The following DCUN1D5 variants were observed in gnomAD, a reference collection of about 807,000 sequenced individuals.
DCUN1D5 encodes DCN1-like protein 5.
DCUN1D5 carries 10 observed loss-of-function variants against 38.3 expected under a neutral mutation model. The ratio of observed to expected loss-of-function variants is 0.26; its 90% CI spans 0.16 to 0.44. The LOEUF is 0.44. DCUN1D5 is among the 20% of genes least tolerant of loss of function. The pLI is 1.00. For synonymous variants in DCUN1D5, 93 were observed against 90.9 expected (o/e 1.02, Z -0.13); for missense variants, 148 against 275.3 (o/e 0.54, Z 3.27).
rs1326398605 is a variant in DCUN1D5 at position 103,051,316 on chromosome 11, T to C, written c.*11043A>G. On this transcript the variant is annotated 3_prime_UTR_variant, in exon 8 of 8. Coordinates refer to ENST00000260247, the MANE Select transcript of DCUN1D5 (RefSeq NM_032299.4). Reference sequence around the variant, plus strand: ...AACCATCCATCCTTCAGGAAACTTTTTTAAAAAAAGATTTTCTGCATGGTT... The same window carrying C: ...AACCATCCATCCTTCAGGAAACTTTCTTAAAAAAAGATTTTCTGCATGGTT... 2.0e-5 allele frequency: 3 copies of C among 152,204 alleles called. No individual in the cohort carries two copies. The highest frequency in any genetic ancestry group is 4.8e-5 in the African/African-American group (2 of 41,576). The allele number at this position is 152,204 out of a possible 1,614,324, so 9.4% of individuals were successfully genotyped here. A position where few individuals can be genotyped will look rare whatever the true frequency, so the allele number is the denominator to read the frequency against.
rs149803369 is a variant in DCUN1D5 at position 103,089,284 on chromosome 11, T to A, written c.121A>T (p.Ser41Cys). The A allele has an allele frequency of 4.7e-4, 753 of 1,612,132 alleles. 3 individuals carry two copies. The highest frequency in any genetic ancestry group is 4.6e-3 in the South Asian group (419 of 90,910). The change falls in exon 2 of 8, where the codon AGT (serine) becomes TGT (cysteine). Residue 41 changes from serine (S) to cysteine (C), a missense_variant. Physicochemically the swap from Ser to Cys is moderately radical, Grantham distance 112. Transcript: ENST00000260247. ...CRSQPPARLI[S>C]GEEHFSSKKC... Reference sequence around the variant, plus strand: ...TTGCTTGAAAAATGTTCCTCTCCACTTATTAGTCTAGCAGGGGGTTGGGAT... The same window carrying A: ...TTGCTTGAAAAATGTTCCTCTCCACATATTAGTCTAGCAGGGGGTTGGGAT...
chr11:103,080,541 G>C (rs1862533286), intron 4 of DCUN1D5, among the ~76,000 whole-genome samples: 1 of 152,158 alleles, frequency 6.6e-6, no homozygotes, highest in Non-Finnish European at 1.5e-5. Flanking sequence ...GGTCAAGAAT[G>C]CTCACTTCAA....
At chr11:103,076,388 A>G (rs983618352) in intron 4 of DCUN1D5, among the ~76,000 whole-genome samples, 2 of 152,212 alleles carry the variant, frequency 1.3e-5, no homozygotes, top group Non-Finnish European at 2.9e-5. Context: ...GTCACTAAGG[A>G]GATAAGAATC....
Position 103,062,479 on chromosome 11 carries a change from C to T in DCUN1D5, c.659-65G>A. On this transcript the variant is annotated intron_variant, in intron 7 of 7. Coordinates refer to ENST00000260247, the MANE Select transcript of DCUN1D5 (RefSeq NM_032299.4). This position sits in a 1 kb window ranked among gnomAD's most constrained non-coding sequence, Gnocchi z 4.6. ...CTCATCTCTCCAATTATAAAACAAA[C>T]TCCCCACGAGCTCTGCAATGACAGA... 7.1e-7 allele frequency: 1 copy of T among 1,408,476 alleles called. No individual in the cohort carries two copies. The highest frequency in any genetic ancestry group is 1.0e-6 in the Non-Finnish European group (1 of 1,001,602). 87.2% of individuals were successfully genotyped at this position (1,408,476 alleles called of 1,614,324 possible). A position where few individuals can be genotyped will look rare whatever the true frequency, so the allele number is the denominator to read the frequency against.
chr11:103,063,966 C>T lies in DCUN1D5; in HGVS notation c.658+309G>A, dbSNP rs1862075760. 6.6e-6 allele frequency among the ~76,000 whole-genome samples: 1 copy of T among 152,008 alleles called. No individual in the cohort carries two copies. The highest frequency in any genetic ancestry group is 6.5e-5 in the Admixed American group (1 of 15,268). Reference sequence around the variant, plus strand: ...TTAAAATCATGACTGTACTTTTCTTCCATAGGCAAATGCCAGGAAAGACAG... The same window carrying T: ...TTAAAATCATGACTGTACTTTTCTTTCATAGGCAAATGCCAGGAAAGACAG... On this transcript the variant is annotated intron_variant, in intron 7 of 7. Coordinates refer to ENST00000260247, the MANE Select transcript of DCUN1D5 (RefSeq NM_032299.4). The surrounding 1 kb of genome is among the most constrained non-coding windows in gnomAD (Gnocchi z 4.6).
rs1357249674 is a variant in DCUN1D5 at position 103,051,771 on chromosome 11, T to G, written c.*10588A>C. ...CTCAAGTTATCTTCTCAAGGTCACATAGTCACTAAGAAGCAAAGGACTCTG... is the reference window on the plus strand; with the variant it reads ...CTCAAGTTATCTTCTCAAGGTCACAGAGTCACTAAGAAGCAAAGGACTCTG... On this transcript the variant is annotated 3_prime_UTR_variant, in exon 8 of 8. Coordinates refer to ENST00000260247, the MANE Select transcript of DCUN1D5 (RefSeq NM_032299.4). 1 of 152,150 alleles carries G rather than the reference T, an allele frequency of 6.6e-6. No individual in the cohort carries two copies. The highest frequency in any genetic ancestry group is 2.4e-5 in the African/African-American group (1 of 41,428). 9.4% of individuals were successfully genotyped at this position (152,150 alleles called of 1,614,324 possible). A position where few individuals can be genotyped will look rare whatever the true frequency, so the allele number is the denominator to read the frequency against.
rs183952120 is a variant in DCUN1D5 at position 103,086,184 on chromosome 11, A to G, written c.179-2858T>C. On this transcript the variant is annotated intron_variant, in intron 2 of 7. Transcript: ENST00000260247. This position sits in a 1 kb window ranked among gnomAD's most constrained non-coding sequence, Gnocchi z 4.1. ...CAGCCATAACAGATGCTTAGGGGGA[A>G]AAAAAAAAAATTCTCAGTGACACAG... Among the ~76,000 whole-genome samples, 612 of 137,662 alleles carry G rather than the reference A, an allele frequency of 4.4e-3. 1 individual carries two copies. Among genetic ancestry groups the G allele is most frequent in the Non-Finnish European group, 6.6e-3 (442 of 66,626 alleles). 90.3% of individuals were successfully genotyped at this position (137,662 alleles called of 152,430 possible). A position where few individuals can be genotyped will look rare whatever the true frequency, so the allele number is the denominator to read the frequency against.
In DCUN1D5 at chr11:103,083,175, A is replaced by AT; in HGVS notation, c.249+80dup. Reference sequence around the variant, plus strand: ...TGAAGAAATAAAATCTTCATACAAGATTAAAGTGTCTCGATTTTTAGTAAT... The same window carrying AT: ...TGAAGAAATAAAATCTTCATACAAGATTTAAAGTGTCTCGATTTTTAGTAAT... On this transcript the variant is annotated intron_variant, in intron 3 of 7. Transcript: ENST00000260247. This position sits in a 1 kb window ranked among gnomAD's most constrained non-coding sequence, Gnocchi z 4.4. The AT allele has an allele frequency of 1.4e-6, 1 of 726,896 alleles. No individual in the cohort carries two copies. The highest frequency in any genetic ancestry group is 2.4e-6 in the Non-Finnish European group (1 of 411,838). 45.0% of individuals were successfully genotyped at this position (726,896 alleles called of 1,614,324 possible). A position where few individuals can be genotyped will look rare whatever the true frequency, so the allele number is the denominator to read the frequency against.
chr11:103,075,825 T>C (rs1862395077), intron 4 of DCUN1D5, among the ~76,000 whole-genome samples: 1 of 152,230 alleles, frequency 6.6e-6, no homozygotes, highest in East Asian at 1.9e-4. Flanking sequence ...ATGCACAATA[T>C]GCTTGATGAG....
rs1219633334 is a variant in DCUN1D5, at chr11:103,082,949, TAA to T, written c.250-112_250-111del. 3 of 783,744 alleles carry T rather than the reference TAA, an allele frequency of 3.8e-6. No individual in the cohort carries two copies. The African/African-American group carries it at 5.2e-5, about 14-fold the overall frequency. The allele number at this position is 783,744 out of a possible 1,614,324, so 48.5% of individuals were successfully genotyped here. ...ACAACTACTTCCATCCTTCAACTAT[TAA>T]AGAGTACAACCTCTGGAATTATTAA... On this transcript the variant is annotated intron_variant, in intron 3 of 7. Coordinates refer to ENST00000260247, the MANE Select transcript of DCUN1D5 (RefSeq NM_032299.4).
In DCUN1D5 at chr11:103,056,945, T is replaced by C. The variant is rs1371913944; in HGVS notation, c.*5414A>G. Among the ~76,000 whole-genome samples the C allele has an allele frequency of 6.6e-6, 1 of 151,976 alleles. No individual in the cohort carries two copies. The highest frequency in any genetic ancestry group is 1.5e-5 in the Non-Finnish European group (1 of 68,036). On this transcript the variant is annotated 3_prime_UTR_variant, in exon 8 of 8. Coordinates refer to ENST00000260247, the MANE Select transcript of DCUN1D5 (RefSeq NM_032299.4). This position sits in a 1 kb window ranked among gnomAD's most constrained non-coding sequence, Gnocchi z 4.9. ...TCGTAACAATACTGGTAGGTATCAT[T>C]ATCGCCATTTTACAGAAGAAACTGA...
intron 2 of DCUN1D5, 29 bp downstream of exon 2, chr11:103,089,198 C>T (rs186294519): frequency 2.6e-4 from 419 of 1,599,148 alleles, no homozygotes; most frequent in Admixed American, 3.3e-4. Context: ...AAGCATATGA[C>T]TAGTATCTTC....
Position 103,051,583 on chromosome 11 carries a change from A to G in DCUN1D5, c.*10776T>C, listed in dbSNP as rs893938346. 4.8e-5 allele frequency: 7 copies of G among 145,852 alleles called. No homozygotes were observed. Among genetic ancestry groups the G allele is most frequent in the African/African-American group, 1.8e-4 (7 of 38,578 alleles). The allele number at this position is 145,852 out of a possible 1,614,324, so 9.0% of individuals were successfully genotyped here. On this transcript the variant is annotated 3_prime_UTR_variant, in exon 8 of 8. Transcript: ENST00000260247. Reference sequence around the variant, plus strand: ...ACATTCCAGTGGCTCCATTATTTTCATTAGTCAATATCATTTATTCTTTGT... The same window carrying G: ...ACATTCCAGTGGCTCCATTATTTTCGTTAGTCAATATCATTTATTCTTTGT...
chr11:103,090,771 G>A (rs774716925), intron 1 of DCUN1D5, among the ~76,000 whole-genome samples: 76 of 152,220 alleles, frequency 5.0e-4, no homozygotes, highest in South Asian at 1.2e-3. Flanking sequence ...AATTAGCAGG[G>A]CGTGGTGGCG....
Position 103,091,889 on chromosome 11 carries a change from C to T in DCUN1D5, c.-17G>A. 11 of 1,608,280 alleles carry T rather than the reference C, an allele frequency of 6.8e-6. No individual in the cohort carries two copies. Among genetic ancestry groups the T allele is most frequent in the Non-Finnish European group, 9.3e-6 (11 of 1,176,922 alleles). Reference sequence around the variant, plus strand: ...CACCGGCATCTTCCGCCCTCCCCGGCAGGGTGGGCAGGGGAGCCGGGGAAG... The same window carrying T: ...CACCGGCATCTTCCGCCCTCCCCGGTAGGGTGGGCAGGGGAGCCGGGGAAG... On this transcript the variant is annotated 5_prime_UTR_variant, in exon 1 of 8. Transcript: ENST00000260247. This position sits in a 1 kb window ranked among gnomAD's most constrained non-coding sequence, Gnocchi z 4.3.
Position 103,064,931 on chromosome 11 carries a change from A to G in DCUN1D5, c.556-554T>C, listed in dbSNP as rs1190302713. ...CAAAATGGTATTATAAAGATTTTTA[A>G]AAATATATGCCAAACAACCTGCACA... On this transcript the variant is annotated intron_variant, in intron 6 of 7. Coordinates refer to ENST00000260247, the MANE Select transcript of DCUN1D5 (RefSeq NM_032299.4). This position sits in a 1 kb window ranked among gnomAD's most constrained non-coding sequence, Gnocchi z 4.5. Among the ~76,000 whole-genome samples the G allele has an allele frequency of 2.6e-5, 4 of 152,218 alleles. No homozygotes were observed. Among genetic ancestry groups the G allele is most frequent in the African/African-American group, 9.6e-5 (4 of 41,460 alleles).
In DCUN1D5 at chr11:103,065,436, C is replaced by T. The variant is rs192194017; in HGVS notation, c.555+833G>A. ...CCTCCCAACGTGCTGGGATTACAGG[C>T]GTGTGCCACCACGCCCAGCTGATAT... On this transcript the variant is annotated intron_variant, in intron 6 of 7. Coordinates refer to ENST00000260247, the MANE Select transcript of DCUN1D5 (RefSeq NM_032299.4). This position sits in a 1 kb window ranked among gnomAD's most constrained non-coding sequence, Gnocchi z 4.6. 2.0e-5 allele frequency among the ~76,000 whole-genome samples: 3 copies of T among 152,264 alleles called. No homozygotes were observed. The highest frequency in any genetic ancestry group is 4.4e-5 in the Non-Finnish European group (3 of 68,006).
At chr11:103,085,499 T>C (rs962374788) in intron 2 of DCUN1D5, among the ~76,000 whole-genome samples, 1 of 152,112 alleles carries the variant, frequency 6.6e-6, no homozygotes, top group African/African-American at 2.4e-5. Flanking sequence ...GAGGATTACT[T>C]GGTGATTACT....
intron 4 of DCUN1D5, among the ~76,000 whole-genome samples, chr11:103,082,204 T>G (rs1165366316): frequency 2.0e-5 from 3 of 152,098 alleles, no homozygotes; most frequent in African/African-American, 7.2e-5. Context: ...GATCCTAAAC[T>G]GAAAGTGTAG....
Sources: allele counts gnomAD v4.1 joint callset (sites outside exome capture counted in the v4.1 genomes callset), GRCh38; gene constraint gnomAD v4.1.1; non-coding constraint Gnocchi (gnomAD v3.1); transcripts MANE v1.5; gene names NCBI Gene and HGNC (gene_info 2026-07-23, HGNC 2026-07-21).